ACAD11: variants seen among roughly 807,000 people sequenced by gnomAD.
ACAD11 encodes acyl-Coenzyme A dehydrogenase family, member 11.
Under a neutral mutation model 102.2 loss-of-function variants are expected in ACAD11, and 83 were observed. That is an observed-to-expected ratio of 0.81 (90% CI 0.68 to 0.97). The LOEUF is 0.97. Ranked by LOEUF, ACAD11 falls within the 50% of genes least tolerant of loss-of-function variation. The pLI is 0.00. For missense variants in ACAD11, 901 were observed against 951.7 expected, an observed-to-expected ratio of 0.95 and a Z score of 0.70; for synonymous variants, 324 against 319.8, an observed-to-expected ratio of 1.01 and a Z score of -0.14.
intron 16 of ACAD11, among the ~76,000 whole-genome samples, 155 bp downstream of exon 16, chr3:132,576,789 A>T (rs1054348940): frequency 4.6e-5 from 7 of 152,232 alleles, no homozygotes; most frequent in African/African-American, 1.2e-4. Context: ...GTGCAAAAGT[A>T]ATTGCAGTTC....
intron 13 of ACAD11, among the ~76,000 whole-genome samples, chr3:132,595,704 T>G (rs540042181): frequency 6.6e-6 from 1 of 152,168 alleles, no homozygotes; most frequent in South Asian, 2.1e-4. Context: ...AAGCTAAACA[T>G]CACTGATCAT....
At chr3:132,621,981 A>G in intron 9 of ACAD11, among the ~76,000 whole-genome samples, 1 of 147,092 alleles carries the variant, frequency 6.8e-6, no homozygotes, top group East Asian at 2.0e-4. Flanking sequence ...TCTGTCTCAA[A>G]AAAAAAAAAA....
intron 13 of ACAD11, among the ~76,000 whole-genome samples, chr3:132,584,439 G>A (rs1177860107): frequency 6.6e-6 from 1 of 151,870 alleles, no homozygotes; most frequent in Non-Finnish European, 1.5e-5. Flanking sequence ...CCTTTATTTT[G>A]AGCCTATGTG....
intron 1 of ACAD11, among the ~76,000 whole-genome samples, chr3:132,658,520 G>T (rs990666336): frequency 1.3e-5 from 2 of 152,160 alleles, no homozygotes; most frequent in Non-Finnish European, 2.9e-5. Flanking sequence ...TGTTCAAAGG[G>T]TAACTTGTCC....
intron 5 of ACAD11, among the ~76,000 whole-genome samples, chr3:132,637,673 A>C (rs568795921): frequency 1.3e-5 from 2 of 152,322 alleles, no homozygotes; most frequent in South Asian, 4.1e-4. Flanking sequence ...TTTCCAGGAA[A>C]ACTGGATTTC....
intron 4 of ACAD11, among the ~76,000 whole-genome samples, chr3:132,641,328 G>A (rs1483992799): frequency 6.6e-6 from 1 of 152,080 alleles, no homozygotes; most frequent in East Asian, 1.9e-4. Context: ...CGGATCACGA[G>A]GTCAGGAGAT....
intron 17 of ACAD11, 109 bp from the exon 18 acceptor site, chr3:132,561,326 T>C: frequency 1.2e-6 from 1 of 808,774 alleles, no homozygotes; most frequent in South Asian, 1.4e-5. Flanking sequence ...AGCCAGAGAT[T>C]GTTCACAAGC....
chr3:132,585,075 C>G (rs1247546383), intron 13 of ACAD11, among the ~76,000 whole-genome samples: 3 of 152,140 alleles, frequency 2.0e-5, no homozygotes, highest in Non-Finnish European at 2.9e-5. Flanking sequence ...GTAGGCATCA[C>G]GCTACCTGAC....
Position 132,626,798 on chromosome 3 carries a change from G to A in ACAD11, c.1090C>T (p.Pro364Ser). The A allele has an allele frequency of 6.2e-7, 1 of 1,613,058 alleles. No homozygotes were observed. The highest frequency in any genetic ancestry group is 8.5e-7 in the Non-Finnish European group (1 of 1,179,778). The change falls in exon 9 of 20, where the codon CCA (proline) becomes TCA (serine). Residue 364 changes from proline (P) to serine (S), a missense_variant. Physicochemically the swap from Pro to Ser is moderately conservative, Grantham distance 74 (BLOSUM62 -1). Coordinates refer to ENST00000264990, the MANE Select transcript of ACAD11 (RefSeq NM_032169.5). ...LSKRTFSTVL[P>S]QIDTTGQLFV... Reference sequence around the variant, plus strand: ...AACTGTCCAGTAGTATCAATCTGTGGTAGTACAGTACTGAAAGTTCTTTGC... The same window carrying A: ...AACTGTCCAGTAGTATCAATCTGTGATAGTACAGTACTGAAAGTTCTTTGC...
intron 9 of ACAD11, chr3:132,620,516 G>A (rs1312364724): frequency 6.6e-6 from 1 of 152,322 alleles, no homozygotes; most frequent in East Asian, 1.9e-4. Flanking sequence ...GCCACCATTA[G>A]TAAGAGTTAG....
At chr3:132,612,930 T>C (rs1240170582) in intron 11 of ACAD11, among the ~76,000 whole-genome samples, 3 of 152,080 alleles carry the variant, frequency 2.0e-5, no homozygotes, top group Non-Finnish European at 2.9e-5. Flanking sequence ...TGCACACGTA[T>C]GTTTATTGTG....
intron 11 of ACAD11, among the ~76,000 whole-genome samples, chr3:132,616,576 TATCC>T (rs767761952): frequency 6.6e-6 from 1 of 152,186 alleles, no homozygotes; most frequent in Non-Finnish European, 1.5e-5. Flanking sequence ...GTTTCAATAA[TATCC>T]ATCCATCCAT....
At chr3:132,595,278 G>C (rs1187765264) in intron 13 of ACAD11, among the ~76,000 whole-genome samples, 2 of 152,278 alleles carry the variant, frequency 1.3e-5, no homozygotes, top group Middle Eastern at 3.4e-3. Context: ...ATTGTGACTG[G>C]TATGCTCTCA....
intron 1 of ACAD11, chr3:132,648,439 G>A (rs2107895819): frequency 6.6e-6 from 1 of 151,984 alleles, no homozygotes; most frequent in African/African-American, 2.4e-5. Context: ...TTATATCACG[G>A]TTAACAAGTC....
chr3:132,576,834 C>T (rs543119257), intron 16 of ACAD11, 110 bp downstream of exon 16: 39 of 789,872 alleles, frequency 4.9e-5, no homozygotes, highest in African/African-American at 4.8e-4. Context: ...AACCTAATAT[C>T]TAAATCAAGG....
rs564874618 is a variant in ACAD11 at position 132,626,995 on chromosome 3, C to T, written c.1071-178G>A. The T allele has an allele frequency of 4.9e-5, 27 of 547,732 alleles. No homozygotes were observed. In the East Asian group the frequency reaches 8.4e-4, roughly 17 times the overall value. 33.9% of individuals were successfully genotyped at this position (547,732 alleles called of 1,614,324 possible). On this transcript the variant is annotated intron_variant, in intron 8 of 19. Transcript: ENST00000264990. ...TTATGGACTGAATGCAGAATCACTTCCATTTTAAACATTTAACTTTAATGC... is the reference window on the plus strand; with the variant it reads ...TTATGGACTGAATGCAGAATCACTTTCATTTTAAACATTTAACTTTAATGC...
At chr3:132,645,432 G>C (rs1444471592) in intron 1 of ACAD11, among the ~76,000 whole-genome samples, 1 of 152,168 alleles carries the variant, frequency 6.6e-6, no homozygotes, top group Non-Finnish European at 1.5e-5. Context: ...GAAGTGCAAT[G>C]CTGGCCCAAC....
chr3:132,613,897 C>G lies in ACAD11; in HGVS notation c.1414+4737G>C, dbSNP rs185468959. Among the ~76,000 whole-genome samples, 226 of 151,872 alleles carry G rather than the reference C, an allele frequency of 1.5e-3. 8 individuals carry two copies. Among genetic ancestry groups the G allele is most frequent in the African/African-American group, 4.8e-3 (199 of 41,296 alleles). ...TTGGGCGAGACGAGTGAGACTCCAT[C>G]TCAAAAAAGAAAGAAAAAAGAAAAC... On this transcript the variant is annotated intron_variant, in intron 11 of 19. Transcript: ENST00000264990.
intron 5 of ACAD11, among the ~76,000 whole-genome samples, chr3:132,633,988 T>C (rs1236088880): frequency 2.6e-5 from 4 of 152,048 alleles, no homozygotes; most frequent in African/African-American, 9.7e-5. Flanking sequence ...ATTCAGGACA[T>C]AGGCATGGGC....
Sources: gnomAD v4.1 joint callset for allele counts (sites outside exome capture counted in the v4.1 genomes callset) on GRCh38, gnomAD v4.1.1 for gene constraint, MANE v1.5 for transcripts, NCBI Gene and HGNC (gene_info 2026-07-23, HGNC 2026-07-21) for gene names.